PNCK: variants seen among roughly 807,000 people sequenced by gnomAD.
The protein encoded by PNCK is pregnancy up-regulated nonubiquitous CaM kinase.
Under a neutral mutation model 28.3 loss-of-function variants are expected in PNCK, and 21 were observed. That is an observed-to-expected ratio of 0.74 (90% CI 0.53 to 1.07). The LOEUF (loss-of-function observed/expected upper bound fraction) is 1.07, where lower values mean the gene tolerates loss of function less well. PNCK is among the 50% of genes least tolerant of loss of function. The pLI, the probability that PNCK is intolerant of heterozygous loss-of-function variation, is 0.00. For missense variants in PNCK, 250 were observed against 298.3 expected (o/e 0.84, Z 1.19); for synonymous variants, 136 against 125.2 (o/e 1.09, Z -0.58).
At chrX:153,673,313 C>T (rs1557040838) in intron 1 of PNCK, 2 of 1,169,720 alleles carry the variant, frequency 1.7e-6, no homozygotes, top group Non-Finnish European at 2.3e-6. Flanking sequence ...CCCCCGCACC[C>T]CGAAGGCGAC....
chrX:153,669,865 G>A lies in PNCK; in HGVS notation c.*273C>T, dbSNP rs1020854888. ...GCAGGAAAGACAGCCCCTGAGGCCC[G>A]CCTGCCAGCACCCCCTCGGCTTTTG... On this transcript the variant is annotated 3_prime_UTR_variant, in exon 12 of 12. Coordinates refer to ENST00000340888, the MANE Select transcript of PNCK (RefSeq NM_001366977.1). The A allele has an allele frequency of 1.5e-4, 51 of 341,254 alleles. No individual in the cohort carries two copies. Among genetic ancestry groups the A allele is most frequent in the Non-Finnish European group, 2.6e-4 (44 of 170,001 alleles). 28.1% of individuals were successfully genotyped at this position (341,254 alleles called of 1,213,427 possible). A position where few individuals can be genotyped will look rare whatever the true frequency, so the allele number is the denominator to read the frequency against.
chrX:153,678,205 C>A (rs1337464892), upstream of PNCK, among the ~76,000 whole-genome samples: 6 of 110,368 alleles, frequency 5.4e-5, no homozygotes, highest in Non-Finnish European at 1.1e-4. Flanking sequence ...GTAACCCCAG[C>A]ACTTTGGGAG....
rs192241576 is a variant in PNCK, at chrX:153,682,073, C to G, written c.-3+5358G>C. On this transcript the variant is annotated intron_variant, in intron 1 of 3. Coordinates refer to the PNCK transcript ENST00000419804. ...GCGCGATCTCAGCTCACTGCAACCT[C>G]CGCCTCCTGGGTTCAAACAATTCTC... 1.0e-3 allele frequency among the ~76,000 whole-genome samples: 113 copies of G among 110,878 alleles called. 1 individual carries two copies. Among genetic ancestry groups the G allele is most frequent in the South Asian group, 1.9e-3 (5 of 2,611 alleles).
At position 153,673,063 on chromosome X, in the gene PNCK, T is replaced by C; in HGVS notation, c.14A>G (p.Lys5Arg). ...GCTGCTGATGTCCTCCGTGTGTTTC[T>C]TCAGCAGCAGCATGTCTGCAGGGGC... MLLL[K>R]KHTEDISSVY... is the part of the protein sequence containing the mutation. The change falls in exon 2 of 12, where the codon AAG becomes AGG. Residue 5 changes from lysine to arginine, a missense_variant. Physicochemically the swap from Lys to Arg is conservative, Grantham distance 26. Transcript: ENST00000340888. 7.5e-6 allele frequency: 9 copies of C among 1,197,860 alleles called. No homozygotes were observed. The highest frequency in any genetic ancestry group is 9.0e-6 in the Non-Finnish European group (8 of 886,333).
At chrX:153,684,931 G>A (rs1398484394) in intron 1 of PNCK, among the ~76,000 whole-genome samples, 1 of 97,871 alleles carries the variant, frequency 1.0e-5, no homozygotes, top group South Asian at 5.6e-4. Context: ...CCTGGGACAC[G>A]GTAAGGGGAG....
chrX:153,677,630 T>TGTATATATATA (rs1569538962), upstream of PNCK, among the ~76,000 whole-genome samples: 10 of 94,685 alleles, frequency 1.1e-4, no homozygotes, highest in African/African-American at 4.3e-4. Flanking sequence ...ATATATATAG[T>TGTATATATATA]GTGTATATAT....
At chrX:153,674,556 C>T (rs1014708150), upstream of PNCK, 1 of 145,171 alleles carries the variant, frequency 6.9e-6, no homozygotes, top group East Asian at 1.7e-4. Context: ...TCAAACCGGC[C>T]TCCCCCGCCC....
chrX:153,679,566 C>CTTTTTT (rs1211891003), upstream of PNCK, among the ~76,000 whole-genome samples: 49 of 46,077 alleles, frequency 1.1e-3, no homozygotes, highest in Non-Finnish European at 1.3e-3. Flanking sequence ...CTTTTCTTTT[C>CTTTTTT]TTTTTTTTTT....
At chrX:153,676,864 CAAA>C (rs57712456), upstream of PNCK, among the ~76,000 whole-genome samples, 2 of 55,052 alleles carry the variant, frequency 3.6e-5, no homozygotes, top group Admixed American at 2.4e-4. Context: ...GACTTCATCT[CAAA>C]AAAAAAAAAA....
At chrX:153,682,349 C>T (rs1044365436) in intron 1 of PNCK, among the ~76,000 whole-genome samples, 4 of 111,799 alleles carry the variant, frequency 3.6e-5, no homozygotes, top group Non-Finnish European at 5.7e-5. Flanking sequence ...GGTACAATCA[C>T]GGCTCACGGC....
Position 153,673,802 on chromosome X carries a change from G to C in PNCK, c.-25C>G. ...GACCTGGAGCGGGTGCCGCAGCGTC[G>C]TGCCGCGCAGTGGCCGCAGCGCCAA... On this transcript the variant is annotated 5_prime_UTR_variant, in exon 1 of 12. Coordinates refer to ENST00000340888, the MANE Select transcript of PNCK (RefSeq NM_001366977.1). 3 of 749,395 alleles carry C rather than the reference G, an allele frequency of 4.0e-6. No individual in the cohort carries two copies. The highest frequency in any genetic ancestry group is 2.3e-5 in the African/African-American group (1 of 43,285). The allele number at this position is 749,395 out of a possible 1,213,427, so 61.8% of individuals were successfully genotyped here.
At chrX:153,679,575 T>C (rs868995704), upstream of PNCK, among the ~76,000 whole-genome samples, 2 of 92,240 alleles carry the variant, frequency 2.2e-5, no homozygotes, top group Admixed American at 1.2e-4. Flanking sequence ...TCTTTTTTTT[T>C]TTTTTTTTTT....
At position 153,673,129 on chromosome X, in the gene PNCK, G is replaced by A. The variant is rs1180630666; in HGVS notation, c.-2-51C>T. On this transcript the variant is annotated intron_variant, in intron 1 of 11. Coordinates refer to ENST00000340888, the MANE Select transcript of PNCK (RefSeq NM_001366977.1). ...GGGGTCTCTCCCCGCCCCGCCGGGG[G>A]CAAGGGCAGCTTCCTCCTCCACCCC... The A allele has an allele frequency of 1.3e-5, 15 of 1,173,350 alleles. No individual in the cohort carries two copies. The Admixed American group carries it at 1.4e-4, about 11-fold the overall frequency.
At chrX:153,674,686 G>A (rs911909655), upstream of PNCK, 1 of 111,978 alleles carries the variant, frequency 8.9e-6, no homozygotes, top group Admixed American at 9.5e-5. Context: ...GTGTATCTCC[G>A]CGAACCCAAC....
chrX:153,678,224 A>G (rs1276833342), upstream of PNCK, among the ~76,000 whole-genome samples: 2 of 110,502 alleles, frequency 1.8e-5, no homozygotes, highest in South Asian at 3.9e-4. Flanking sequence ...AGGCTGAGGC[A>G]GATGGATCAT....
chrX:153,674,586 C>T, upstream of PNCK: 1 of 131,846 alleles, frequency 7.6e-6, no homozygotes. Flanking sequence ...CAATTCTCTC[C>T]GCATAACCCT....
chrX:153,672,847 G>A (rs1037685901), intron 2 of PNCK, 150 bp from the exon 3 acceptor site: 2 of 920,167 alleles, frequency 2.2e-6, no homozygotes, highest in African/African-American at 1.9e-5. Context: ...ACTCACACAT[G>A]CCATCTCACA....
chrX:153,673,681 T>G (rs1331652714), intron 1 of PNCK, 99 bp downstream of exon 1: 1 of 482,696 alleles, frequency 2.1e-6, no homozygotes, highest in African/African-American at 2.6e-5. Context: ...GCGCCAGGCG[T>G]GACAGGTGTG....
upstream of PNCK, among the ~76,000 whole-genome samples, chrX:153,679,387 G>A (rs1167439118): frequency 9.3e-6 from 1 of 107,578 alleles, no homozygotes; most frequent in Non-Finnish European, 1.9e-5. Context: ...GGTATGCAGC[G>A]GTATCTCCTT....
Sources: allele counts gnomAD v4.1 joint callset (sites outside exome capture counted in the v4.1 genomes callset), GRCh38; gene constraint gnomAD v4.1.1; transcripts MANE v1.5; gene names NCBI Gene and HGNC (gene_info 2026-07-23, HGNC 2026-07-21).